The following TTC28 variants were observed in gnomAD, a reference collection of about 807,000 sequenced individuals.
TTC28 encodes the protein tetratricopeptide repeat domain 28.
TTC28 carries 61 observed loss-of-function variants against 198.0 expected under a neutral mutation model. The ratio of observed to expected loss-of-function variants is 0.31; its 90% CI spans 0.25 to 0.38. The LOEUF (loss-of-function observed/expected upper bound fraction) is 0.38. TTC28 is among the 10% of genes least tolerant of loss of function. TTC28 has a pLI of 1.00. For synonymous variants in TTC28, 1,171 were observed against 1,297.8 expected, an observed-to-expected ratio of 0.90 and a Z score of 2.10; for missense variants, 2,678 against 3,164.0, an observed-to-expected ratio of 0.85 and a Z score of 3.69.
chr22:28,085,108 C>T (rs953886300), intron 12 of TTC28, among the ~76,000 whole-genome samples: 3 of 152,068 alleles, frequency 2.0e-5, no homozygotes, highest in African/African-American at 4.8e-5. Flanking sequence ...TCCAGGAGAA[C>T]TTCCCCAATC....
rs559150437 is a variant in TTC28, at chr22:27,998,324, T to C, written c.5119+216A>G. On this transcript the variant is annotated intron_variant, in intron 16 of 22. Coordinates refer to ENST00000397906, the MANE Select transcript of TTC28 (RefSeq NM_001145418.2). ...TTCACATTCATACACTCATGGCAAA[T>C]GGTTCTGTTGCTCCCTGGTCCAAAG... 2.0e-5 allele frequency: 15 copies of C among 761,874 alleles called. No homozygotes were observed. The African/African-American group carries it at 2.3e-4, about 12-fold the overall frequency. 47.2% of individuals were successfully genotyped at this position (761,874 alleles called of 1,614,324 possible). A position where few individuals can be genotyped will look rare whatever the true frequency, so the allele number is the denominator to read the frequency against.
chr22:28,468,692 T>A (rs1475020633), intron 2 of TTC28, among the ~76,000 whole-genome samples: 1 of 129,230 alleles, frequency 7.7e-6, no homozygotes, highest in Non-Finnish European at 1.6e-5. Flanking sequence ...CCCGGCTAAT[T>A]TTTTTTTTTT....
chr22:28,554,093 G>GA (rs1375825252), intron 2 of TTC28, among the ~76,000 whole-genome samples: 1 of 152,140 alleles, frequency 6.6e-6, no homozygotes, highest in African/African-American at 2.4e-5. Context: ...TGTGCTCTCT[G>GA]AAACATGTGC....
Position 27,982,713 on chromosome 22 carries a change from A to G in TTC28, c.6954T>C (p.Ser2318=), listed in dbSNP as rs1268398541. 1.3e-6 allele frequency: 2 copies of G among 1,551,596 alleles called. No individual in the cohort carries two copies. The highest frequency in any genetic ancestry group is 1.7e-6 in the Non-Finnish European group (2 of 1,146,942). Residue 2318 remains serine (S), a synonymous_variant, in exon 23 of 23, where the codon AGT becomes AGC. Transcript: ENST00000397906. This position sits in a 1 kb window ranked among gnomAD's most constrained non-coding sequence, Gnocchi z 5.2. ...PSSGHQSPAG[S]APSPALSYSS... is the part of the protein sequence containing the mutation. ...AGTAGGAGAGAGCTGGGGAGGGTGC[A>G]CTGCCAGCAGGAGACTGGTGGCCGG...
chr22:28,157,961 G>A (rs1157685739), intron 6 of TTC28, among the ~76,000 whole-genome samples: 1 of 151,868 alleles, frequency 6.6e-6, no homozygotes, highest in Non-Finnish European at 1.5e-5. Flanking sequence ...AAACTAAAAT[G>A]GAAGAAATCA....
chr22:28,094,314 G>A, intron 11 of TTC28, 69 bp from the exon 12 acceptor site: 1 of 1,427,310 alleles, frequency 7.0e-7, no homozygotes. Flanking sequence ...TTGAAGGCAG[G>A]GGACAGGAAT....
intron 2 of TTC28, among the ~76,000 whole-genome samples, chr22:28,384,514 G>A (rs1034021795): frequency 2.0e-5 from 3 of 152,170 alleles, no homozygotes; most frequent in Non-Finnish European, 4.4e-5. Context: ...CATGAAAGCA[G>A]AAAATTTATT....
At chr22:28,321,196 G>A (rs977053034) in intron 2 of TTC28, among the ~76,000 whole-genome samples, 1 of 152,124 alleles carries the variant, frequency 6.6e-6, no homozygotes, top group African/African-American at 2.4e-5. Context: ...CCTTATGCCT[G>A]TAATCTAATT....
chr22:28,605,678 CTTTTT>C (rs2050718354), intron 2 of TTC28, among the ~76,000 whole-genome samples: 1 of 152,092 alleles, frequency 6.6e-6, no homozygotes, highest in Non-Finnish European at 1.5e-5. Flanking sequence ...TTTTTATCTT[CTTTTT>C]AAGTAAAAAC....
At chr22:28,675,904 G>A (rs974416003) in intron 1 of TTC28, among the ~76,000 whole-genome samples, 6 of 152,074 alleles carry the variant, frequency 3.9e-5, no homozygotes, top group African/African-American at 1.4e-4. Flanking sequence ...GGGCAACATA[G>A]CGAGACCCCT....
chr22:28,123,241 T>A (rs993655728), intron 6 of TTC28, among the ~76,000 whole-genome samples: 1 of 147,096 alleles, frequency 6.8e-6, no homozygotes, highest in Non-Finnish European at 1.5e-5. Flanking sequence ...CTGTTTCAGG[T>A]TTTTTTTTTT....
intron 1 of TTC28, among the ~76,000 whole-genome samples, chr22:28,651,823 G>A (rs961642645): frequency 2.0e-5 from 3 of 151,660 alleles, no homozygotes; most frequent in African/African-American, 4.8e-5. Context: ...AGGCTACTCT[G>A]AATGCAGTTT....
chr22:28,512,203 T>C (rs1260776318), intron 2 of TTC28, among the ~76,000 whole-genome samples: 1 of 151,638 alleles, frequency 6.6e-6, no homozygotes, highest in African/African-American at 2.4e-5. Flanking sequence ...AAGCTCAACA[T>C]CACAGATCAT....
intron 2 of TTC28, among the ~76,000 whole-genome samples, chr22:28,486,624 A>G (rs1308476746): frequency 6.6e-6 from 1 of 152,212 alleles, no homozygotes; most frequent in Non-Finnish European, 1.5e-5. Context: ...GCAAAGTCAA[A>G]TAAGATAAAC....
rs369240430 is a variant in TTC28, at chr22:28,193,806, C to A, written c.934-30207G>T. Among the ~76,000 whole-genome samples, 56 of 152,142 alleles carry A rather than the reference C, an allele frequency of 3.7e-4. No homozygotes were observed. The East Asian group carries it at 4.8e-3, about 13-fold the overall frequency. ...ATAAATCAAGTCCTTAGAGACCTACCAAGAGACTTAGACTCCCACGCAAGA... is the reference window on the plus strand; with the variant it reads ...ATAAATCAAGTCCTTAGAGACCTACAAAGAGACTTAGACTCCCACGCAAGA... On this transcript the variant is annotated intron_variant, in intron 5 of 22. Transcript: ENST00000397906.
At chr22:28,307,700 T>A (rs1343943996) in intron 2 of TTC28, among the ~76,000 whole-genome samples, 1 of 152,212 alleles carries the variant, frequency 6.6e-6, no homozygotes, top group Non-Finnish European at 1.5e-5. Context: ...ATAATTAACA[T>A]ATTCATTGCT....
At chr22:28,474,750 G>A (rs1198520975) in intron 2 of TTC28, among the ~76,000 whole-genome samples, 1 of 152,122 alleles carries the variant, frequency 6.6e-6, no homozygotes, top group Non-Finnish European at 1.5e-5. Flanking sequence ...ATAGTCAATT[G>A]GCCCTGCCCT....
At chr22:28,169,136 C>G (rs557041334) in intron 5 of TTC28, among the ~76,000 whole-genome samples, 1 of 152,266 alleles carries the variant, frequency 6.6e-6, no homozygotes, top group African/African-American at 2.4e-5. Flanking sequence ...CCATCGCACA[C>G]CAGTTAGAAT....
At chr22:28,468,277 G>A (rs1246286863) in intron 2 of TTC28, among the ~76,000 whole-genome samples, 1 of 152,092 alleles carries the variant, frequency 6.6e-6, no homozygotes, top group Non-Finnish European at 1.5e-5. Context: ...AGTTATAGGA[G>A]GGGATCTTCA....
Sources: gnomAD v4.1 joint callset for allele counts (sites outside exome capture counted in the v4.1 genomes callset) on GRCh38, gnomAD v4.1.1 for gene constraint, Gnocchi (gnomAD v3.1) non-coding constraint, MANE v1.5 for transcripts, NCBI Gene and HGNC (gene_info 2026-07-23, HGNC 2026-07-21) for gene names.